Variants in RGL1 observed in about 807,000 individuals in gnomAD.
The protein encoded by RGL1 is ral guanine nucleotide dissociation stimulator-like 1.
In RGL1, 24 loss-of-function variants were observed where a neutral mutation model predicts 95.2. The ratio of observed to expected loss-of-function variants is 0.25; its 90% CI spans 0.18 to 0.35. RGL1 has a LOEUF of 0.35. Ranked by LOEUF, RGL1 falls within the 10% of genes least tolerant of loss-of-function variation. RGL1 has a pLI of 1.00. For missense variants in RGL1, 715 were observed against 936.3 expected (o/e 0.76, Z 3.08); for synonymous variants, 329 against 344.9 (o/e 0.95, Z 0.51).
At chr1:183,831,484 A>G (rs1663253736) in intron 2 of RGL1, among the ~76,000 whole-genome samples, 1 of 152,212 alleles carries the variant, frequency 6.6e-6, no homozygotes, top group African/African-American at 2.4e-5. Context: ...GGTTTTAAGT[A>G]GGGAGTGACA....
At chr1:183,663,109 C>G (rs1651766220) in intron 1 of RGL1, among the ~76,000 whole-genome samples, 1 of 151,462 alleles carries the variant, frequency 6.6e-6, no homozygotes, top group South Asian at 2.1e-4. Context: ...CATAAAAACC[C>G]TAGAAGAAAA....
intron 2 of RGL1, among the ~76,000 whole-genome samples, chr1:183,757,217 A>G (rs1260497181): frequency 6.6e-6 from 1 of 152,182 alleles, no homozygotes; most frequent in East Asian, 1.9e-4. Flanking sequence ...CCTCTTCTCT[A>G]TCCAGCTCAG....
intron 17 of RGL1, among the ~76,000 whole-genome samples, chr1:183,925,583 A>G (rs1261610354): frequency 6.6e-6 from 1 of 152,254 alleles, no homozygotes; most frequent in Non-Finnish European, 1.5e-5. Context: ...TACATGGGAA[A>G]TAAAATACTC....
intron 1 of RGL1, among the ~76,000 whole-genome samples, chr1:183,706,489 G>A (rs1654921000): frequency 6.6e-6 from 1 of 152,232 alleles, no homozygotes; most frequent in African/African-American, 2.4e-5. Flanking sequence ...CAAGGCTGAT[G>A]AGATACGAGT....
chr1:183,788,270 G>A (rs1660276358), intron 2 of RGL1, among the ~76,000 whole-genome samples: 1 of 152,178 alleles, frequency 6.6e-6, no homozygotes. Flanking sequence ...AATCAGGAGA[G>A]CCAATGATGT....
rs534557818 is a variant in RGL1 at position 183,840,288 on chromosome 1, A to G, written c.139-7278A>G. ...TCCAGGCTTTAAGCCTTGCTTTAGG[A>G]TAAGAGGGGGTTCTAGTTTCTATGA... is the stretch of plus-strand genomic sequence containing the variant. On this transcript the variant is annotated intron_variant, in intron 2 of 17. Coordinates refer to ENST00000360851, the MANE Select transcript of RGL1 (RefSeq NM_001297671.3). Among the ~76,000 whole-genome samples, 6 of 152,278 alleles carry G rather than the reference A, an allele frequency of 3.9e-5. No individual in the cohort carries two copies. In the South Asian group the frequency reaches 1.2e-3, roughly 32 times the overall value.
At chr1:183,651,033 G>A (rs1381420902) in intron 1 of RGL1, among the ~76,000 whole-genome samples, 1 of 152,072 alleles carries the variant, frequency 6.6e-6, no homozygotes, top group Non-Finnish European at 1.5e-5. Flanking sequence ...TATTAAATCT[G>A]CCACATTTGC....
In RGL1 at chr1:183,649,015, A is replaced by C. The variant is rs1401562734; in HGVS notation, c.-33+12514A>C. ...GAAACAGAAGAGAAAGGCGTTCTTC[A>C]ACTTTACCTGTTTCATAGATTCCAA... is the stretch of plus-strand genomic sequence containing the variant. On this transcript the variant is annotated intron_variant, in intron 1 of 18. Coordinates refer to the RGL1 transcript ENST00000304685. Among the ~76,000 whole-genome samples, 3 of 152,248 alleles carry C rather than the reference A, an allele frequency of 2.0e-5. No individual in the cohort carries two copies. In the East Asian group the frequency reaches 5.8e-4, roughly 29 times the overall value.
At chr1:183,828,436 G>A (rs181483765) in intron 2 of RGL1, among the ~76,000 whole-genome samples, 4 of 152,158 alleles carry the variant, frequency 2.6e-5, no homozygotes, top group African/African-American at 7.2e-5. Context: ...TGTGTGGAGT[G>A]GGGGTAGAGG....
chr1:183,667,547 A>C (rs758944460), intron 1 of RGL1, among the ~76,000 whole-genome samples: 1 of 151,940 alleles, frequency 6.6e-6, no homozygotes, highest in Non-Finnish European at 1.5e-5. Flanking sequence ...GCGTGTCTCT[A>C]ACTCCCAACC....
intron 1 of RGL1, among the ~76,000 whole-genome samples, chr1:183,675,094 C>G (rs760679259): frequency 4.6e-5 from 7 of 152,164 alleles, no homozygotes; most frequent in Non-Finnish European, 8.8e-5. Context: ...AAAAGGAAAC[C>G]ATCAGAGCCA....
At chr1:183,668,818 C>T (rs921142491) in intron 1 of RGL1, among the ~76,000 whole-genome samples, 3 of 152,002 alleles carry the variant, frequency 2.0e-5, no homozygotes, top group African/African-American at 7.2e-5. Flanking sequence ...TTTTTCCTCT[C>T]CTGGGATTTC....
intron 2 of RGL1, among the ~76,000 whole-genome samples, chr1:183,774,724 T>C (rs1659501112): frequency 6.6e-6 from 1 of 151,958 alleles, no homozygotes; most frequent in Non-Finnish European, 1.5e-5. Flanking sequence ...TACAGGCGCA[T>C]GCCACCATGC....
At chr1:183,895,924 T>A (rs960171737) in intron 9 of RGL1, among the ~76,000 whole-genome samples, 1 of 152,214 alleles carries the variant, frequency 6.6e-6, no homozygotes, top group Non-Finnish European at 1.5e-5. Flanking sequence ...ATGAGGAGGT[T>A]GTCTTAAGTG....
chr1:183,773,014 TCAAAAAAAAAAAAA>T (rs1310002540), intron 2 of RGL1, among the ~76,000 whole-genome samples: 1 of 26,218 alleles, frequency 3.8e-5, no homozygotes, highest in Non-Finnish European at 6.8e-5. Context: ...AGACTCCGTC[TCAAAAAAAAAAAAA>T]AAAAAAAAAA....
chr1:183,837,785 G>A (rs920733389), intron 2 of RGL1, among the ~76,000 whole-genome samples: 1 of 152,176 alleles, frequency 6.6e-6, no homozygotes, highest in Admixed American at 6.5e-5. Flanking sequence ...CGGGGGTTGA[G>A]GGGTGTTCGT....
At chr1:183,761,996 A>C (rs1034929674) in intron 2 of RGL1, among the ~76,000 whole-genome samples, 17 of 152,240 alleles carry the variant, frequency 1.1e-4, no homozygotes, top group African/African-American at 4.1e-4. Context: ...GAAGAAAGTT[A>C]GGGCTTTGCT....
chr1:183,685,693 A>G (rs1653535845), intron 1 of RGL1, among the ~76,000 whole-genome samples: 1 of 152,222 alleles, frequency 6.6e-6, no homozygotes, highest in African/African-American at 2.4e-5. Flanking sequence ...GCAGCTATAG[A>G]TAAGTCAAAG....
At chr1:183,704,468 T>TG (rs945660419) in intron 1 of RGL1, among the ~76,000 whole-genome samples, 1 of 152,058 alleles carries the variant, frequency 6.6e-6, no homozygotes, top group Non-Finnish European at 1.5e-5. Flanking sequence ...CAATAGTGTG[T>TG]GGGGGGTGAC....
Sources: gnomAD v4.1 joint callset for allele counts (sites outside exome capture counted in the v4.1 genomes callset) on GRCh38, gnomAD v4.1.1 for gene constraint, MANE v1.5 for transcripts, NCBI Gene and HGNC (gene_info 2026-07-23, HGNC 2026-07-21) for gene names.